The following SPECC1L variants were observed in gnomAD, a reference collection of about 807,000 sequenced individuals.
SPECC1L encodes the protein sperm antigen with calponin homology and coiled-coil domains 1 like.
In SPECC1L, 40 loss-of-function variants were observed where a neutral mutation model predicts 116.8. The ratio of observed to expected loss-of-function variants is 0.34; its 90% CI spans 0.27 to 0.45. The LOEUF (loss-of-function observed/expected upper bound fraction) is 0.45, where lower values mean the gene tolerates loss of function less well. Among genes scored for constraint, SPECC1L ranks in the 20% least tolerant of loss-of-function variants. The pLI, the probability that SPECC1L is intolerant of heterozygous loss-of-function variation, is 1.00. For missense variants in SPECC1L, 1,110 were observed against 1,373.6 expected, an observed-to-expected ratio of 0.81 and a Z score of 3.03; for synonymous variants, 504 against 500.6, an observed-to-expected ratio of 1.01 and a Z score of -0.09.
At position 24,334,457 on chromosome 22, in the gene SPECC1L, A is replaced by G; in HGVS notation, c.2444A>G (p.Glu815Gly). ...GRVYNYMNAVERDLAALRQGM... is the reference protein window; with the variant it reads ...GRVYNYMNAVGRDLAALRQGM... Reference sequence around the variant, plus strand: ...GTATACAATTACATGAATGCCGTTGAGAGAGATTTGGCAGCCTTAAGGCAG... The same window carrying G: ...GTATACAATTACATGAATGCCGTTGGGAGAGATTTGGCAGCCTTAAGGCAG... Residue 815 changes from glutamate (E) to glycine (G), a missense_variant, in exon 9 of 17, where the codon GAG (glutamate) becomes GGG (glycine). Physicochemically the swap from Glu to Gly is moderately conservative, Grantham distance 98. Coordinates refer to ENST00000314328, the MANE Select transcript of SPECC1L (RefSeq NM_015330.6). The G allele has an allele frequency of 6.2e-7, 1 of 1,614,174 alleles. No homozygotes were observed.
At chr22:24,390,766 G>A (rs1482900589) in intron 14 of SPECC1L, among the ~76,000 whole-genome samples, 2 of 150,916 alleles carry the variant, frequency 1.3e-5, no homozygotes, top group Non-Finnish European at 2.9e-5. Flanking sequence ...CGAAGGCTCA[G>A]CGGTTGGCCA....
intron 14 of SPECC1L, among the ~76,000 whole-genome samples, chr22:24,381,666 C>T (rs368183438): frequency 9.9e-5 from 15 of 152,094 alleles, no homozygotes; most frequent in African/African-American, 2.4e-4. Flanking sequence ...AGGCGGATCA[C>T]GAGATCAGGA....
At position 24,295,674 on chromosome 22, in the gene SPECC1L, C is replaced by T. The variant is rs139447083; in HGVS notation, c.-37-6521C>T. ...TTGATTAAGAATACCAGCACGGGCC[C>T]GGCGCGGTGGCTCACACTTGTAATC... On this transcript the variant is annotated intron_variant, in intron 2 of 16. Coordinates refer to ENST00000314328, the MANE Select transcript of SPECC1L (RefSeq NM_015330.6). 7.2e-5 allele frequency among the ~76,000 whole-genome samples: 11 copies of T among 152,170 alleles called. No homozygotes were observed. The South Asian group carries it at 1.9e-3, about 26-fold the overall frequency.
intron 14 of SPECC1L, among the ~76,000 whole-genome samples, chr22:24,408,783 C>T (rs2042639617): frequency 6.6e-6 from 1 of 152,248 alleles, no homozygotes; most frequent in African/African-American, 2.4e-5. Context: ...TTTGCACAGA[C>T]ACTGGAACGT....
chr22:24,324,457 T>C, intron 6 of SPECC1L, 30 bp downstream of exon 6: 1 of 1,584,608 alleles, frequency 6.3e-7, no homozygotes, highest in Non-Finnish European at 8.7e-7. Flanking sequence ...CATTCTTTTT[T>C]GTCCTACTCT....
chr22:24,299,769 G>GT (rs2146396554), intron 2 of SPECC1L, among the ~76,000 whole-genome samples: 1 of 151,814 alleles, frequency 6.6e-6, no homozygotes, highest in Admixed American at 6.6e-5. Flanking sequence ...TATTTAAAGT[G>GT]TAAAACTTAG....
intron 2 of SPECC1L, among the ~76,000 whole-genome samples, chr22:24,301,235 T>G (rs2049371892): frequency 6.6e-6 from 1 of 152,072 alleles, no homozygotes; most frequent in South Asian, 2.1e-4. Flanking sequence ...AGGTCTAATA[T>G]CCAGAATTTA....
At chr22:24,305,524 G>A (rs2049475699) in intron 3 of SPECC1L, among the ~76,000 whole-genome samples, 1 of 152,078 alleles carries the variant, frequency 6.6e-6, no homozygotes, top group Non-Finnish European at 1.5e-5. Flanking sequence ...TAATCCATGG[G>A]ATGAATATAC....
intron 14 of SPECC1L, among the ~76,000 whole-genome samples, chr22:24,381,782 G>A (rs1169326250): frequency 2.6e-5 from 4 of 152,194 alleles, no homozygotes; most frequent in Non-Finnish European, 4.4e-5. Flanking sequence ...TACTCGGGAG[G>A]CTAAGGCAGG....
chr22:24,325,208 AAGAC>A (rs2040794172), intron 6 of SPECC1L, among the ~76,000 whole-genome samples: 1 of 152,200 alleles, frequency 6.6e-6, no homozygotes, highest in Admixed American at 6.5e-5. Flanking sequence ...TTTTGAGTTG[AAGAC>A]AGTAGATGGC....
chr22:24,405,370 C>CATATTCATGTGGGTCAGCACAT (rs1773127588), intron 14 of SPECC1L, among the ~76,000 whole-genome samples: 1 of 151,650 alleles, frequency 6.6e-6, no homozygotes, highest in East Asian at 1.9e-4. Flanking sequence ...TTACAGGTCA[C>CATATTCATGTGGGTCAGCACAT]ATGAATATGA....
chr22:24,340,140 CTTTTTT>C (rs765402107), intron 10 of SPECC1L, among the ~76,000 whole-genome samples: 4 of 105,140 alleles, frequency 3.8e-5, no homozygotes, highest in Non-Finnish European at 5.5e-5. Context: ...ATTTAATGAC[CTTTTTT>C]TTTTTTTTTT....
chr22:24,334,396 A>T lies in SPECC1L; in HGVS notation c.2397-14A>T. 1 of 1,613,838 alleles carries T rather than the reference A, an allele frequency of 6.2e-7. No homozygotes were observed. The highest frequency in any genetic ancestry group is 8.5e-7 in the Non-Finnish European group (1 of 1,179,798). On this transcript the variant is annotated splice_polypyrimidine_tract_variant and intron_variant, in intron 8 of 16. Coordinates refer to ENST00000314328, the MANE Select transcript of SPECC1L (RefSeq NM_015330.6). ...ACCTATGTAAAAATGCTCTGATTTC[A>T]ATATTATTTTCAGGCAAGAGGAGGA...
intron 4 of SPECC1L, among the ~76,000 whole-genome samples, chr22:24,317,337 A>C (rs1481377502): frequency 6.5e-5 from 6 of 92,704 alleles, no homozygotes; most frequent in African/African-American, 1.2e-4. Flanking sequence ...TCCCTCCCGG[A>C]CGGGGCGGCT....
intron 2 of SPECC1L, among the ~76,000 whole-genome samples, chr22:24,294,492 C>T (rs1212834889): frequency 1.3e-5 from 2 of 150,742 alleles, no homozygotes; most frequent in African/African-American, 4.9e-5. Flanking sequence ...AGCGATTCTT[C>T]TGCCTCAGCC....
chr22:24,271,860 C>G (rs572853192), intron 1 of SPECC1L, among the ~76,000 whole-genome samples: 2 of 152,182 alleles, frequency 1.3e-5, no homozygotes, highest in Admixed American at 1.3e-4. Flanking sequence ...TTTCTTTTGT[C>G]AAAAGAGCCT....
chr22:24,336,137 CAT>C (rs2041049681), intron 9 of SPECC1L, among the ~76,000 whole-genome samples: 2 of 152,012 alleles, frequency 1.3e-5, no homozygotes, highest in South Asian at 4.1e-4. Flanking sequence ...ATAAGGATGA[CAT>C]AGATCTCAAA....
chr22:24,380,151 G>A (rs1194703963), intron 14 of SPECC1L, among the ~76,000 whole-genome samples: 1 of 152,186 alleles, frequency 6.6e-6, no homozygotes, highest in Non-Finnish European at 1.5e-5. Flanking sequence ...GATTAAAGGC[G>A]TGAGCCACTG....
intron 3 of SPECC1L, among the ~76,000 whole-genome samples, 198 bp downstream of exon 3, chr22:24,302,582 G>A (rs960531397): frequency 7.2e-5 from 11 of 152,178 alleles, no homozygotes; most frequent in Admixed American, 4.6e-4. Context: ...CCAGACAATA[G>A]GCTTGTTCAT....
Sources: gnomAD v4.1 joint callset for allele counts (sites outside exome capture counted in the v4.1 genomes callset) on GRCh38, gnomAD v4.1.1 for gene constraint, MANE v1.5 for transcripts, NCBI Gene and HGNC (gene_info 2026-07-23, HGNC 2026-07-21) for gene names.